SLC14A2: variants seen among roughly 807,000 people sequenced by gnomAD.
SLC14A2 encodes the protein urea transporter 2.
In SLC14A2, 91 loss-of-function variants were observed where a neutral mutation model predicts 104.6. The observed-to-expected ratio is 0.87, with a 90% CI of 0.73 to 1.04. The LOEUF is 1.04. Among genes scored for constraint, SLC14A2 ranks in the 50% least tolerant of loss-of-function variants. SLC14A2 has a pLI of 0.00. For synonymous variants in SLC14A2, 476 were observed against 466.4 expected, an observed-to-expected ratio of 1.02 and a Z score of -0.27; for missense variants, 1,189 against 1,156.0, an observed-to-expected ratio of 1.03 and a Z score of -0.41.
intron 1 of SLC14A2, among the ~76,000 whole-genome samples, chr18:45,425,027 C>G (rs534832192): frequency 1.3e-5 from 2 of 152,306 alleles, no homozygotes; most frequent in East Asian, 3.9e-4. Flanking sequence ...CCATGTTTCA[C>G]CAAGCACATC....
At chr18:45,222,520 G>C (rs1463249490) in intron 1 of SLC14A2, among the ~76,000 whole-genome samples, 1 of 152,186 alleles carries the variant, frequency 6.6e-6, no homozygotes, top group East Asian at 1.9e-4. Flanking sequence ...AAGCTTGACA[G>C]AGAAGTGGGA....
chr18:45,468,342 A>G (rs2087182690), intron 1 of SLC14A2, among the ~76,000 whole-genome samples: 1 of 152,014 alleles, frequency 6.6e-6, no homozygotes. Flanking sequence ...ATCAAAAGCA[A>G]AATAAGGAAA....
At chr18:45,361,656 T>C (rs1163643404) in intron 1 of SLC14A2, among the ~76,000 whole-genome samples, 1 of 152,138 alleles carries the variant, frequency 6.6e-6, no homozygotes, top group Non-Finnish European at 1.5e-5. Flanking sequence ...CAAGGGACAC[T>C]GTGGGGGCAT....
At chr18:45,337,886 A>T (rs2085351643) in intron 1 of SLC14A2, among the ~76,000 whole-genome samples, 1 of 152,202 alleles carries the variant, frequency 6.6e-6, no homozygotes, top group African/African-American at 2.4e-5. Flanking sequence ...GAGATTCTCC[A>T]ATAATGCAGC....
intron 9 of SLC14A2, 94 bp downstream of exon 9, chr18:45,643,275 C>A (rs1599108542): frequency 2.7e-6 from 3 of 1,106,184 alleles, no homozygotes; most frequent in Admixed American, 1.7e-5. Context: ...GAACATTGAG[C>A]GGGTAATGGT....
intron 10 of SLC14A2, among the ~76,000 whole-genome samples, chr18:45,662,318 A>G (rs1438452131): frequency 6.6e-6 from 1 of 152,146 alleles, no homozygotes; most frequent in East Asian, 1.9e-4. Context: ...AAAAAAGTGT[A>G]GACAAGACCT....
chr18:45,239,186 G>A (rs1051827968), intron 1 of SLC14A2, among the ~76,000 whole-genome samples: 2 of 152,134 alleles, frequency 1.3e-5, no homozygotes, highest in African/African-American at 4.8e-5. Flanking sequence ...CACCTAAGGA[G>A]GAAACTACAA....
At chr18:45,190,983 G>A in the SLC14A2 span, among the ~76,000 whole-genome samples, 1 of 152,114 alleles carries the variant, frequency 6.6e-6, no homozygotes, top group East Asian at 1.9e-4. Flanking sequence ...TTGGCTGTCA[G>A]TGACATGTTA....
In SLC14A2 at chr18:45,605,395, G is replaced by A. The variant is rs568236477; in HGVS notation, c.-34-19236G>A. ...AAAATATAACCCCCTCTGGAGAAGAGGGTGAAGATGCCCACTGACACAAAT... is the reference window on the plus strand; with the variant it reads ...AAAATATAACCCCCTCTGGAGAAGAAGGTGAAGATGCCCACTGACACAAAT... On this transcript the variant is annotated intron_variant, in intron 2 of 20. Coordinates refer to the SLC14A2 transcript ENST00000586448. Among the ~76,000 whole-genome samples the A allele has an allele frequency of 3.9e-5, 6 of 152,250 alleles. No individual in the cohort carries two copies. The East Asian group carries it at 9.6e-4, about 24-fold the overall frequency.
Position 45,624,709 on chromosome 18 carries a change from C to T in SLC14A2, c.45C>T (p.Ser15=), listed in dbSNP as rs1391652581. 6.2e-7 allele frequency: 1 copy of T among 1,613,390 alleles called. No individual in the cohort carries two copies. The highest frequency in any genetic ancestry group is 8.5e-7 in the Non-Finnish European group (1 of 1,179,712). ...HSSPLLPEPL[S]SRYKLYEAEF... is the part of the protein sequence containing the mutation. ...GTCCTCTCCTGCCAGAGCCACTTTC[C>T]AGCAGATACAAACTCTACGAGGCAG... Residue 15 remains serine (S), a synonymous_variant, in exon 2 of 20, where the codon TCC becomes TCT. Coordinates refer to ENST00000255226, the MANE Select transcript of SLC14A2 (RefSeq NM_007163.4).
At chr18:45,679,481 A>G (rs889576276) in intron 19 of SLC14A2, among the ~76,000 whole-genome samples, 28 of 152,202 alleles carry the variant, frequency 1.8e-4, no homozygotes, top group Non-Finnish European at 2.6e-4. Flanking sequence ...GCTTAAAGTC[A>G]CGGGCCACAG....
chr18:45,175,651 G>C, the SLC14A2 span, among the ~76,000 whole-genome samples: 2 of 152,074 alleles, frequency 1.3e-5, no homozygotes, highest in African/African-American at 4.8e-5. Context: ...ATAAGACTCA[G>C]GTTCAGTAAG....
At chr18:45,659,550 C>T (rs753505677) in intron 10 of SLC14A2, among the ~76,000 whole-genome samples, 6 of 152,288 alleles carry the variant, frequency 3.9e-5, no homozygotes, top group Non-Finnish European at 8.8e-5. Context: ...TCTTTCAGAG[C>T]TCCTGTGTTT....
chr18:45,243,527 G>C (rs1361100389), intron 1 of SLC14A2, among the ~76,000 whole-genome samples: 1 of 152,218 alleles, frequency 6.6e-6, no homozygotes, highest in Non-Finnish European at 1.5e-5. Flanking sequence ...GGGTTACCCT[G>C]AGAGTTATTT....
chr18:45,274,780 TAACTC>T (rs959005954), intron 1 of SLC14A2, among the ~76,000 whole-genome samples: 3 of 152,230 alleles, frequency 2.0e-5, no homozygotes, highest in Admixed American at 6.5e-5. Flanking sequence ...ACTTCCTTGA[TAACTC>T]AATTCATTTG....
Position 45,624,744 on chromosome 18 carries a change from G to T in SLC14A2, c.80G>T (p.Ser27Ile), listed in dbSNP as rs774191236. Residue 27 changes from serine to isoleucine, a missense_variant, in exon 2 of 20, where the codon AGC becomes ATC. Coordinates refer to ENST00000255226, the MANE Select transcript of SLC14A2 (RefSeq NM_007163.4). ...RYKLYEAEFT[S>I]PSWPSTSPDT... is the part of the protein sequence containing the mutation. ...AAACTCTACGAGGCAGAGTTTACCA[G>T]CCCGAGCTGGCCCTCGACATCCCCG... 4 of 1,613,326 alleles carry T rather than the reference G, an allele frequency of 2.5e-6. No homozygotes were observed. In the Middle Eastern group the frequency reaches 4.9e-4, roughly 199 times the overall value.
chr18:45,547,591 G>C (rs773977827), intron 2 of SLC14A2, among the ~76,000 whole-genome samples: 1 of 152,164 alleles, frequency 6.6e-6, no homozygotes, highest in Admixed American at 6.5e-5. Context: ...TCTGAGTCCC[G>C]GCCAGCCCCT....
intron 1 of SLC14A2, among the ~76,000 whole-genome samples, chr18:45,240,630 GT>G (rs375137254): frequency 8.5e-5 from 12 of 141,566 alleles, no homozygotes; most frequent in East Asian, 2.0e-4. Context: ...GGGAGAAAGT[GT>G]TTTTTTTTTG....
chr18:45,649,469 A>G (rs981733068), intron 10 of SLC14A2, among the ~76,000 whole-genome samples: 1 of 152,206 alleles, frequency 6.6e-6, no homozygotes, highest in Non-Finnish European at 1.5e-5. Context: ...CTGAGCCCCT[A>G]CATCATACAT....
Sources: gnomAD v4.1 joint callset for allele counts (sites outside exome capture counted in the v4.1 genomes callset) on GRCh38, gnomAD v4.1.1 for gene constraint, MANE v1.5 for transcripts, NCBI Gene and HGNC (gene_info 2026-07-23, HGNC 2026-07-21) for gene names.